The following LLGL2 variants were observed in gnomAD, a reference collection of about 807,000 sequenced individuals.
The protein encoded by LLGL2 is LLGL2, scribble cell polarity complex component.
A neutral mutation model predicts 123.2 loss-of-function variants in LLGL2; 81 were observed. The ratio of observed to expected loss-of-function variants is 0.66; its 90% CI spans 0.55 to 0.79. The LOEUF (loss-of-function observed/expected upper bound fraction) is 0.79, where lower values mean the gene tolerates loss of function less well. LLGL2 is among the 30% of genes least tolerant of loss of function. LLGL2 has a pLI of 0.00. For synonymous variants in LLGL2, 577 were observed against 594.1 expected, an observed-to-expected ratio of 0.97 and a Z score of 0.42; for missense variants, 1,273 against 1,414.6, an observed-to-expected ratio of 0.90 and a Z score of 1.61.
At chr17:75,548,592 G>T (rs2147257490) in intron 2 of LLGL2, among the ~76,000 whole-genome samples, 1 of 151,954 alleles carries the variant, frequency 6.6e-6, no homozygotes, top group South Asian at 2.1e-4. Context: ...CTGAGGTCAG[G>T]AGTTCGAGAT....
chr17:75,572,824 GA>G (rs369484057), intron 19 of LLGL2, among the ~76,000 whole-genome samples, 189 bp from the exon 20 acceptor site: 12,315 of 143,956 alleles, frequency 0.086, 469 homozygotes, highest in Middle Eastern at 0.2. Flanking sequence ...CATCTCGGAG[GA>G]AAAAAAAAAA....
chr17:75,574,670 TG>T lies in LLGL2; in HGVS notation c.3055+7del, dbSNP rs765041772. Reference sequence around the variant, plus strand: ...GGTGCAGCCTCAGCAATGGCGGAGGTGGGGGCTCTGGGCTTGAGTGCAGCTG... The same window carrying T: ...GGTGCAGCCTCAGCAATGGCGGAGGTGGGGCTCTGGGCTTGAGTGCAGCTG... On this transcript the variant is annotated splice_donor_region_variant and intron_variant, in intron 25 of 25. Coordinates refer to ENST00000392550, the MANE Select transcript of LLGL2 (RefSeq NM_001031803.2). 1.6e-5 allele frequency: 26 copies of T among 1,609,966 alleles called. 1 individual carries two copies. The South Asian group carries it at 2.6e-4, about 16-fold the overall frequency.
chr17:75,554,302 CAA>C (rs72439797), intron 2 of LLGL2, among the ~76,000 whole-genome samples: 23 of 133,962 alleles, frequency 1.7e-4, no homozygotes, highest in Non-Finnish European at 3.2e-4. Context: ...AACTCCGTCT[CAA>C]AAAAAAAAAA....
At chr17:75,565,994 G>C in intron 10 of LLGL2, among the ~76,000 whole-genome samples, 1 of 152,192 alleles carries the variant, frequency 6.6e-6, no homozygotes, top group East Asian at 1.9e-4. Flanking sequence ...TAAGAAAAAA[G>C]CCAGGCAGAG....
chr17:75,564,233 G>A lies in LLGL2; in HGVS notation c.882-120G>A, dbSNP rs1895110119. 2.7e-6 allele frequency: 4 copies of A among 1,490,346 alleles called. No individual in the cohort carries two copies. The highest frequency in any genetic ancestry group is 2.2e-5 in the Admixed American group (1 of 45,938). The allele number at this position is 1,490,346 out of a possible 1,614,324, so 92.3% of individuals were successfully genotyped here. A position where few individuals can be genotyped will look rare whatever the true frequency, so the allele number is the denominator to read the frequency against. ...TGGGCTGTAGCAGTTGGAAGGAGAT[G>A]GGGTCCAGTCTCCCCTGCTCCTGGG... On this transcript the variant is annotated intron_variant, in intron 9 of 25. Transcript: ENST00000392550. This position sits in a 1 kb window ranked among gnomAD's most constrained non-coding sequence, Gnocchi z 4.9.
At position 75,558,380 on chromosome 17, in the gene LLGL2, A is replaced by G; in HGVS notation, c.256-132A>G. On this transcript the variant is annotated intron_variant, in intron 4 of 25. Transcript: ENST00000392550. This position sits in a 1 kb window ranked among gnomAD's most constrained non-coding sequence, Gnocchi z 4.0. ...AAGACCTGGGACCCCCTCCCTTTCC[A>G]CAGCTGGGGCTCATGGGCCACCCTG... The G allele has an allele frequency of 8.7e-7, 1 of 1,150,850 alleles. No individual in the cohort carries two copies. The highest frequency in any genetic ancestry group is 1.2e-6 in the Non-Finnish European group (1 of 816,988). 71.3% of individuals were successfully genotyped at this position (1,150,850 alleles called of 1,614,324 possible).
chr17:75,554,901 A>T (rs2054835769), intron 2 of LLGL2, among the ~76,000 whole-genome samples: 1 of 149,328 alleles, frequency 6.7e-6, no homozygotes, highest in Admixed American at 6.7e-5. Flanking sequence ...AAAAAAAAAA[A>T]AATTTTTGGC....
chr17:75,556,700 C>G (rs1019058691), intron 3 of LLGL2, among the ~76,000 whole-genome samples: 18 of 152,190 alleles, frequency 1.2e-4, no homozygotes, highest in Non-Finnish European at 2.6e-4. Flanking sequence ...CAGCTCCCCA[C>G]CTCACCACCA....
chr17:75,529,211 T>C (rs1476614747), intron 1 of LLGL2, among the ~76,000 whole-genome samples: 3 of 151,962 alleles, frequency 2.0e-5, no homozygotes, highest in African/African-American at 4.8e-5. Flanking sequence ...TCTTTTTTTT[T>C]CTTTGAGACG....
rs1229217383 is a variant in LLGL2 at position 75,544,626 on chromosome 17, C to T, written c.75+1125C>T. On this transcript the variant is annotated intron_variant, in intron 2 of 25. Transcript: ENST00000392550. The surrounding 1 kb of genome is among the most constrained non-coding windows in gnomAD (Gnocchi z 4.2). ...AACTTAAGTGCTAGGCACAGTGGCCCAGGAATGCTGGCTGCTGCTGTGGGC... is the reference window on the plus strand; with the variant it reads ...AACTTAAGTGCTAGGCACAGTGGCCTAGGAATGCTGGCTGCTGCTGTGGGC... Among the ~76,000 whole-genome samples the T allele has an allele frequency of 1.3e-5, 2 of 152,184 alleles. No individual in the cohort carries two copies. Among genetic ancestry groups the T allele is most frequent in the Non-Finnish European group, 2.9e-5 (2 of 68,042 alleles).
intron 1 of LLGL2, among the ~76,000 whole-genome samples, chr17:75,531,161 C>A (rs1454177298): frequency 2.6e-5 from 4 of 152,102 alleles, no homozygotes; most frequent in African/African-American, 9.7e-5. Context: ...GCCATTGTGC[C>A]CCCTTTCAAC....
chr17:75,568,762 CT>C lies in LLGL2; in HGVS notation c.1255-5del. The stretch of plus-strand genomic sequence containing the variant: ...AACTCTCCCATGGACTTCTTGGTCT[CT>C]TTTTCTAGGAGTGGCCAATTGATGG... On this transcript the variant is annotated splice_polypyrimidine_tract_variant and intron_variant, in intron 11 of 25. Transcript: ENST00000392550. 6.2e-7 allele frequency: 1 copy of C among 1,609,826 alleles called. No homozygotes were observed. The highest frequency in any genetic ancestry group is 1.7e-5 in the Admixed American group (1 of 59,816).
At position 75,558,180 on chromosome 17, in the gene LLGL2, A is replaced by G. The variant is rs149829375; in HGVS notation, c.199A>G (p.Met67Val). The change falls in exon 4 of 26, where the codon ATG (methionine) becomes GTG (valine). Residue 67 changes from methionine (M) to valine (V), a missense_variant. Met to Val is a conservative substitution (Grantham distance 21). Coordinates refer to ENST00000392550, the MANE Select transcript of LLGL2 (RefSeq NM_001031803.2). This position sits in a 1 kb window ranked among gnomAD's most constrained non-coding sequence, Gnocchi z 4.0. ...KLYGAPGVEF[M>V]GLHQENNAVT... is the part of the protein sequence containing the mutation. ...CTACGGAGCCCCAGGCGTGGAGTTC[A>G]TGGGGCTGCACCAGGAGAACAACGC... The G allele has an allele frequency of 2.0e-5, 32 of 1,613,672 alleles. No homozygotes were observed. Among genetic ancestry groups the G allele is most frequent in the Non-Finnish European group, 2.6e-5 (31 of 1,179,966 alleles).
chr17:75,531,187 G>T (rs1478131886), intron 1 of LLGL2, among the ~76,000 whole-genome samples: 1 of 152,124 alleles, frequency 6.6e-6, no homozygotes, highest in Non-Finnish European at 1.5e-5. Flanking sequence ...TTGGGGAGAG[G>T]ATGTCCTCTC....
intron 3 of LLGL2, among the ~76,000 whole-genome samples, chr17:75,557,066 A>G (rs1032232647): frequency 4.3e-5 from 5 of 116,246 alleles, no homozygotes; most frequent in Admixed American, 2.9e-4. Flanking sequence ...TTTTGTGGAG[A>G]CAGGGTCTTG....
chr17:75,526,921 A>G (rs143052264), intron 1 of LLGL2, among the ~76,000 whole-genome samples: 10 of 152,248 alleles, frequency 6.6e-5, no homozygotes, highest in South Asian at 4.1e-4. Context: ...TAATCCCAGC[A>G]CTTTGGGAAG....
intron 1 of LLGL2, chr17:75,532,554 G>T (rs2053840296): frequency 6.6e-6 from 1 of 152,222 alleles, no homozygotes; most frequent in African/African-American, 2.4e-5. Flanking sequence ...CTCCTGAGTA[G>T]CTGGGATTAC....
intron 10 of LLGL2, among the ~76,000 whole-genome samples, chr17:75,565,736 CGCAGGCCA>C (rs1315419983): frequency 2.0e-5 from 3 of 152,200 alleles, no homozygotes; most frequent in Non-Finnish European, 4.4e-5. Flanking sequence ...CCCGCAGTCC[CGCAGGCCA>C]GGAGGTGGGT....
rs551190533 is a variant in LLGL2, at chr17:75,533,060, C to T, written c.-31+7235C>T. Reference sequence around the variant, plus strand: ...TGTCGCCCAGGCTGGAGTGCAGTGGCGCGATCTCGGCTCACTGCAAGCTCT... The same window carrying T: ...TGTCGCCCAGGCTGGAGTGCAGTGGTGCGATCTCGGCTCACTGCAAGCTCT... On this transcript the variant is annotated intron_variant, in intron 1 of 25. Transcript: ENST00000392550. Among the ~76,000 whole-genome samples, 8 of 152,100 alleles carry T rather than the reference C, an allele frequency of 5.3e-5. No individual in the cohort carries two copies. The South Asian group carries it at 8.3e-4, about 16-fold the overall frequency.
Sources: gnomAD v4.1 joint callset for allele counts (sites outside exome capture counted in the v4.1 genomes callset) on GRCh38, gnomAD v4.1.1 for gene constraint, Gnocchi (gnomAD v3.1) non-coding constraint, MANE v1.5 for transcripts, NCBI Gene and HGNC (gene_info 2026-07-23, HGNC 2026-07-21) for gene names.